Variants in SLC2A14 observed in about 807,000 individuals in gnomAD.
SLC2A14 encodes solute carrier family 2 member 14.
A neutral mutation model predicts 43.0 loss-of-function variants in SLC2A14; 13 were observed. That is an observed-to-expected ratio of 0.30 (90% confidence interval 0.20 to 0.48). The LOEUF (loss-of-function observed/expected upper bound fraction) is 0.48, where lower values mean the gene tolerates loss of function less well. SLC2A14 is among the 20% of genes least tolerant of loss of function. The pLI, the probability that SLC2A14 is intolerant of heterozygous loss-of-function variation, is 0.99. For missense variants in SLC2A14, 428 were observed against 620.4 expected (o/e 0.69, Z 3.29); for synonymous variants, 190 against 233.8 (o/e 0.81, Z 1.71).
chr12:7,885,713 G>A (rs906070918), intron 1 of SLC2A14, among the ~76,000 whole-genome samples: 1 of 151,880 alleles, frequency 6.6e-6, no homozygotes, highest in African/African-American at 2.4e-5. Context: ...GATTCATAAA[G>A]GACAGATTTC....
At chr12:7,837,166 C>CAAAAA (rs753545614) in intron 2 of SLC2A14, among the ~76,000 whole-genome samples, 1 of 119,798 alleles carries the variant, frequency 8.3e-6, no homozygotes, top group South Asian at 2.6e-4. Flanking sequence ...GACTCCATCT[C>CAAAAA]AAAAAAAAAA....
intron 7 of SLC2A14, among the ~76,000 whole-genome samples, chr12:7,825,252 G>C (rs1864242278): frequency 1.4e-5 from 2 of 139,044 alleles, no homozygotes; most frequent in Non-Finnish European, 3.1e-5. Flanking sequence ...CTTGAAGCCA[G>C]GAGTTCAAGA....
intron 1 of SLC2A14, 118 bp downstream of exon 1, chr12:7,872,689 C>T: frequency 1.2e-6 from 1 of 831,282 alleles, no homozygotes; most frequent in Non-Finnish European, 1.5e-6. Context: ...TCTCTTCTTT[C>T]TTAGCCCGGC....
At chr12:7,835,814 G>T (rs147707211) in intron 2 of SLC2A14, among the ~76,000 whole-genome samples, 1,692 of 152,258 alleles carry the variant, frequency 0.011, 28 homozygotes, top group African/African-American at 0.037. Flanking sequence ...CATAAAGAAC[G>T]ACTTTTGTTA....
At chr12:7,870,647 AC>A (rs1945172507) in intron 1 of SLC2A14, among the ~76,000 whole-genome samples, 1 of 151,940 alleles carries the variant, frequency 6.6e-6, no homozygotes, top group Non-Finnish European at 1.5e-5. Context: ...TACCTTCCCC[AC>A]CCTGCGCCTC....
At chr12:7,874,706 AAAT>A (rs1274518118), upstream of SLC2A14, among the ~76,000 whole-genome samples, 23 of 143,308 alleles carry the variant, frequency 1.6e-4, no homozygotes, top group South Asian at 1.3e-3. Context: ...AAATATATAT[AAAT>A]ATGTATATAA....
At chr12:7,826,756 CAT>C (rs1317875721) in intron 7 of SLC2A14, among the ~76,000 whole-genome samples, 1 of 152,072 alleles carries the variant, frequency 6.6e-6, no homozygotes, top group Non-Finnish European at 1.5e-5. Flanking sequence ...CTTGTAAAAA[CAT>C]AGAGACTGGT....
chr12:7,889,785 C>T (rs918543234), intron 1 of SLC2A14, among the ~76,000 whole-genome samples: 20 of 152,094 alleles, frequency 1.3e-4, no homozygotes, highest in African/African-American at 4.6e-4. Context: ...ATCCACCCGC[C>T]TTGGCCTCCC....
intron 2 of SLC2A14, among the ~76,000 whole-genome samples, chr12:7,853,732 A>G (rs747714584): frequency 6.6e-6 from 1 of 152,272 alleles, no homozygotes; most frequent in African/African-American, 2.4e-5. Flanking sequence ...TTGGCATCCT[A>G]CCTTATATGG....
chr12:7,867,670 C>A (rs1944998525), intron 2 of SLC2A14, among the ~76,000 whole-genome samples: 1 of 151,880 alleles, frequency 6.6e-6, no homozygotes, highest in South Asian at 2.1e-4. Flanking sequence ...TATGGTGAAA[C>A]CCCATCTCTA....
chr12:7,890,948 C>T lies in SLC2A14; in HGVS notation c.132+48G>A, dbSNP rs775595603. 4.9e-4 allele frequency: 737 copies of T among 1,504,142 alleles called. 2 individuals are homozygous for T. The highest frequency in any genetic ancestry group is 6.1e-4 in the Non-Finnish European group (693 of 1,127,796). 93.2% of individuals were successfully genotyped at this position (1,504,142 alleles called of 1,614,324 possible). ...TTCCCTTTTTTAAAGAAATCATCCTCGACATGGACTACCTGCCTTGAAGCA... is the reference window on the plus strand; with the variant it reads ...TTCCCTTTTTTAAAGAAATCATCCTTGACATGGACTACCTGCCTTGAAGCA... On this transcript the variant is annotated intron_variant, in intron 1 of 9. Transcript: ENST00000539924.
upstream of SLC2A14, among the ~76,000 whole-genome samples, chr12:7,875,948 C>T (rs1270941551): frequency 6.6e-6 from 1 of 151,826 alleles, no homozygotes; most frequent in Non-Finnish European, 1.5e-5. Flanking sequence ...TACACTCCAG[C>T]CTGGGCTACA....
chr12:7,874,992 T>C (rs1249330211), upstream of SLC2A14, among the ~76,000 whole-genome samples: 1 of 93,364 alleles, frequency 1.1e-5, no homozygotes, highest in Non-Finnish European at 1.9e-5. Context: ...TATATATAAA[T>C]TATATATAAA....
chr12:7,869,761 CATT>C (rs1157573510), intron 2 of SLC2A14, 99 bp downstream of exon 2: 27 of 747,958 alleles, frequency 3.6e-5, no homozygotes, highest in Admixed American at 1.7e-4. Context: ...GTATATTACA[CATT>C]ATCAAGACAT....
intron 10 of SLC2A14, among the ~76,000 whole-genome samples, chr12:7,817,126 A>T (rs1863518204): frequency 6.6e-6 from 1 of 151,052 alleles, no homozygotes; most frequent in Admixed American, 6.6e-5. Context: ...TATTATATAT[A>T]TTTTTTGAGA....
intron 2 of SLC2A14, among the ~76,000 whole-genome samples, chr12:7,836,115 A>G (rs945985826): frequency 2.6e-5 from 4 of 152,138 alleles, no homozygotes; most frequent in African/African-American, 9.7e-5. Flanking sequence ...ATTATCCTAA[A>G]TCAAAATTTG....
intron 7 of SLC2A14, among the ~76,000 whole-genome samples, chr12:7,823,164 C>A (rs1347623621): frequency 5.3e-5 from 8 of 151,990 alleles, no homozygotes; most frequent in African/African-American, 1.9e-4. Context: ...TGGTGGATAA[C>A]CTGAGGTCAG....
At chr12:7,891,052 A>G in exon 1 of SLC2A14, 1 of 1,535,226 alleles carries the variant, frequency 6.5e-7, no homozygotes, top group Middle Eastern at 1.7e-4. Context: ...TGAGAAGAAA[A>G]AAAGAAATGC....
chr12:7,890,440 C>T (rs1204065461), intron 1 of SLC2A14, among the ~76,000 whole-genome samples: 1 of 152,106 alleles, frequency 6.6e-6, no homozygotes, highest in Non-Finnish European at 1.5e-5. Flanking sequence ...TTCCCGACCC[C>T]ATCCTCCATT....
Sources: gnomAD v4.1 joint callset for allele counts (sites outside exome capture counted in the v4.1 genomes callset) on GRCh38, gnomAD v4.1.1 for gene constraint, MANE v1.5 for transcripts, NCBI Gene and HGNC (gene_info 2026-07-23, HGNC 2026-07-21) for gene names.